The following SETD3 variants were observed in gnomAD, a reference collection of about 807,000 sequenced individuals.
The protein encoded by SETD3 is actin-histidine N-methyltransferase.
In SETD3, 19 loss-of-function variants were observed where a neutral mutation model predicts 63.0. That is an observed-to-expected ratio of 0.30 (90% CI 0.21 to 0.44). SETD3 has a LOEUF of 0.44. Ranked by LOEUF, SETD3 falls within the 20% of genes least tolerant of loss-of-function variation. The pLI, the probability that SETD3 is intolerant of heterozygous loss-of-function variation, is 1.00. For missense variants in SETD3, 587 were observed against 728.5 expected, an observed-to-expected ratio of 0.81 and a Z score of 2.24; for synonymous variants, 286 against 264.1, an observed-to-expected ratio of 1.08 and a Z score of -0.80.
chr14:99,439,584 T>C (rs1222202582), intron 6 of SETD3, among the ~76,000 whole-genome samples: 2 of 148,402 alleles, frequency 1.3e-5, no homozygotes, highest in Non-Finnish European at 3.0e-5. Flanking sequence ...TATTTATATA[T>C]AAATATAGAA....
intron 6 of SETD3, among the ~76,000 whole-genome samples, chr14:99,420,873 C>A (rs1301133863): frequency 7.7e-6 from 1 of 130,716 alleles, no homozygotes; most frequent in African/African-American, 3.0e-5. Context: ...AGGCTGGGAA[C>A]CTGCCAGGTC....
chr14:99,472,400 C>T (rs909819395), intron 1 of SETD3, among the ~76,000 whole-genome samples: 17 of 152,126 alleles, frequency 1.1e-4, no homozygotes, highest in Admixed American at 9.2e-4. Context: ...AGTTCCCCAA[C>T]CTTATGGATT....
intron 7 of SETD3, 168 bp from the exon 8 acceptor site, chr14:99,413,233 G>A (rs1892104105): frequency 5.2e-6 from 3 of 578,262 alleles, no homozygotes; most frequent in Non-Finnish European, 3.1e-6. Flanking sequence ...ACAAACCCAG[G>A]GTTTGAAAGA....
chr14:99,407,260 C>T (rs894513260), intron 8 of SETD3, among the ~76,000 whole-genome samples: 2 of 152,122 alleles, frequency 1.3e-5, no homozygotes, highest in Admixed American at 6.5e-5. Context: ...CCCAAACCTG[C>T]GTCTCCTTCT....
At chr14:99,479,270 G>A (rs962109770) in intron 1 of SETD3, among the ~76,000 whole-genome samples, 4 of 152,314 alleles carry the variant, frequency 2.6e-5, no homozygotes, top group South Asian at 4.1e-4. Context: ...GTAGCTGTTT[G>A]AGAACTTGGC....
Position 99,478,319 on chromosome 14 carries a change from A to G in SETD3, c.-9+2409T>C, listed in dbSNP as rs950060226. On this transcript the variant is annotated intron_variant, in intron 1 of 12. Transcript: ENST00000331768. Reference sequence around the variant, plus strand: ...ACTCCATTCCCAGGACTTCGGTCCAAGGGAAAGAAACACACTTGAAACTCT... The same window carrying G: ...ACTCCATTCCCAGGACTTCGGTCCAGGGGAAAGAAACACACTTGAAACTCT... Among the ~76,000 whole-genome samples, 21 of 152,232 alleles carry G rather than the reference A, an allele frequency of 1.4e-4. 1 individual carries two copies. Among genetic ancestry groups the G allele is most frequent in the Admixed American group, 1.4e-3 (21 of 15,286 alleles).
chr14:99,416,933 G>A (rs1007521000), intron 6 of SETD3, among the ~76,000 whole-genome samples: 1 of 152,122 alleles, frequency 6.6e-6, no homozygotes, highest in African/African-American at 2.4e-5. Context: ...TCCATGTTGA[G>A]ACACAGTAAT....
At chr14:99,458,092 T>A (rs1894860242) in intron 6 of SETD3, among the ~76,000 whole-genome samples, 187 bp downstream of exon 6, 1 of 152,216 alleles carries the variant, frequency 6.6e-6, no homozygotes, top group Non-Finnish European at 1.5e-5. Flanking sequence ...ATCAGATATA[T>A]ATATGTAACC....
intron 4 of SETD3, 97 bp downstream of exon 4, chr14:99,461,095 T>C: frequency 1.4e-6 from 2 of 1,415,992 alleles, no homozygotes; most frequent in Non-Finnish European, 1.9e-6. Context: ...GAACTAGAAC[T>C]CCCCCACCAC....
At chr14:99,403,455 A>ACACACACT (rs1416541957) in intron 11 of SETD3, among the ~76,000 whole-genome samples, 1 of 135,456 alleles carries the variant, frequency 7.4e-6, no homozygotes, top group Admixed American at 7.2e-5. Flanking sequence ...ACACACACAC[A>ACACACACT]CTCTCTCTCT....
At chr14:99,478,748 C>G (rs1896102677) in intron 1 of SETD3, 1 of 152,186 alleles carries the variant, frequency 6.6e-6, no homozygotes, top group African/African-American at 2.4e-5. Flanking sequence ...CCTTCCCCGG[C>G]GCCGTCATCC....
At chr14:99,459,296 A>C (rs1894939328) in intron 4 of SETD3, 111 bp from the exon 5 acceptor site, 3 of 612,476 alleles carry the variant, frequency 4.9e-6, no homozygotes, top group Non-Finnish European at 8.6e-6. Context: ...TTAAGGCTGC[A>C]TATCAGCACT....
chr14:99,454,007 C>G (rs1040222720), intron 6 of SETD3, among the ~76,000 whole-genome samples: 1 of 152,182 alleles, frequency 6.6e-6, no homozygotes, highest in Non-Finnish European at 1.5e-5. Context: ...GCTTTTCACA[C>G]TGGAGCGTGA....
At chr14:99,478,548 T>C (rs1308045012) in intron 1 of SETD3, among the ~76,000 whole-genome samples, 1 of 152,170 alleles carries the variant, frequency 6.6e-6, no homozygotes, top group Non-Finnish European at 1.5e-5. Context: ...TGAAGAAAAC[T>C]GGTACGCCTC....
At chr14:99,429,852 A>G (rs557164168) in intron 6 of SETD3, among the ~76,000 whole-genome samples, 1 of 152,244 alleles carries the variant, frequency 6.6e-6, no homozygotes, top group Non-Finnish European at 1.5e-5. Flanking sequence ...CATAAGGCCT[A>G]CCTTATATGC....
chr14:99,455,584 C>A (rs375482173), intron 6 of SETD3, among the ~76,000 whole-genome samples: 1 of 152,262 alleles, frequency 6.6e-6, no homozygotes, highest in South Asian at 2.1e-4. Flanking sequence ...AATCAGCTAA[C>A]GAGAAGACAT....
At chr14:99,434,462 G>A (rs1247547044) in intron 6 of SETD3, among the ~76,000 whole-genome samples, 11 of 152,150 alleles carry the variant, frequency 7.2e-5, no homozygotes, top group Admixed American at 6.5e-4. Flanking sequence ...CCCCTGACAC[G>A]GGCGGGGCAC....
chr14:99,441,322 GC>G lies in SETD3; in HGVS notation c.675+16956del, dbSNP rs560460750. 4.3e-3 allele frequency among the ~76,000 whole-genome samples: 652 copies of G among 152,290 alleles called. 5 individuals are homozygous for G. Among genetic ancestry groups the G allele is most frequent in the African/African-American group, 0.015 (617 of 41,538 alleles). On this transcript the variant is annotated intron_variant, in intron 6 of 12. Coordinates refer to ENST00000331768, the MANE Select transcript of SETD3 (RefSeq NM_032233.3). Reference sequence around the variant, plus strand: ...GGGCTCACAGCCCTCAGAGAGCCTGGCCACACGTGACTTACACGTAGAGAAC... The same window carrying G: ...GGGCTCACAGCCCTCAGAGAGCCTGGCACACGTGACTTACACGTAGAGAAC...
intron 6 of SETD3, among the ~76,000 whole-genome samples, chr14:99,449,791 A>G (rs988658609): frequency 1.3e-5 from 2 of 152,272 alleles, no homozygotes; most frequent in Admixed American, 1.3e-4. Context: ...AAGGCTGTAT[A>G]AGATGTTAAC....
Sources: allele counts gnomAD v4.1 joint callset (sites outside exome capture counted in the v4.1 genomes callset), GRCh38; gene constraint gnomAD v4.1.1; transcripts MANE v1.5; gene names NCBI Gene and HGNC (gene_info 2026-07-23, HGNC 2026-07-21).